The following DHX30 variants were observed in gnomAD, a reference collection of about 807,000 sequenced individuals.
DHX30 encodes the protein ATP-dependent RNA helicase DHX30.
In DHX30, 4 loss-of-function variants were observed where a neutral mutation model predicts 116.9. The ratio of observed to expected loss-of-function variants is 0.03; its 90% CI spans 0.02 to 0.08. DHX30 has a LOEUF of 0.08. Among genes scored for constraint, DHX30 ranks in the 10% least tolerant of loss-of-function variants. DHX30 has a pLI of 1.00. For missense variants in DHX30, 871 were observed against 1,595.1 expected, an observed-to-expected ratio of 0.55 and a Z score of 7.73; for synonymous variants, 697 against 651.7, an observed-to-expected ratio of 1.07 and a Z score of -1.06.
intron 2 of DHX30, among the ~76,000 whole-genome samples, chr3:47,809,044 G>A (rs1417878423): frequency 6.6e-6 from 1 of 151,290 alleles, no homozygotes; most frequent in Non-Finnish European, 1.5e-5. Flanking sequence ...GCCTGCCACC[G>A]TGCCTGGCTA....
chr3:47,816,127 A>G lies in DHX30; in HGVS notation c.29-1895A>G, dbSNP rs1022861915. 9.1e-6 allele frequency: 9 copies of G among 984,194 alleles called. No homozygotes were observed. In the African/African-American group the frequency reaches 1.2e-4, roughly 13 times the overall value. The allele number at this position is 984,194 out of a possible 1,614,324, so 61.0% of individuals were successfully genotyped here. A position where few individuals can be genotyped will look rare whatever the true frequency, so the allele number is the denominator to read the frequency against. On this transcript the variant is annotated intron_variant, in intron 3 of 21. Coordinates refer to ENST00000445061, the MANE Select transcript of DHX30 (RefSeq NM_138615.3). Reference sequence around the variant, plus strand: ...CTACAAGCACGTCTGCTGTAACTCTATGTATGTTTTCTGTAAAATCACATA... The same window carrying G: ...CTACAAGCACGTCTGCTGTAACTCTGTGTATGTTTTCTGTAAAATCACATA...
intron 4 of DHX30, among the ~76,000 whole-genome samples, chr3:47,820,913 T>G (rs1371292017): frequency 6.6e-6 from 1 of 151,688 alleles, no homozygotes. Context: ...TCTCTTTTTT[T>G]TTTTTTGCCT....
At chr3:47,833,600 C>A (rs559760231) in intron 6 of DHX30, among the ~76,000 whole-genome samples, 1 of 150,952 alleles carries the variant, frequency 6.6e-6, no homozygotes, top group African/African-American at 2.4e-5. Flanking sequence ...TGGCTCATGC[C>A]TGTAATCTCA....
chr3:47,806,551 T>G (rs2035534761), intron 2 of DHX30, among the ~76,000 whole-genome samples: 1 of 151,668 alleles, frequency 6.6e-6, no homozygotes, highest in Admixed American at 6.6e-5. Context: ...GTTCAAGCGA[T>G]TCTTCTGTCT....
rs1369397618 is a variant in DHX30 at position 47,849,528 on chromosome 3, C to T, written c.3165C>T (p.Ile1055=). 1.2e-5 allele frequency: 20 copies of T among 1,606,722 alleles called. No homozygotes were observed. Among genetic ancestry groups the T allele is most frequent in the Non-Finnish European group, 1.7e-5 (20 of 1,174,358 alleles). ...CATATAGGACCAAATCAGGCAACAT[C>T]CTGCTGCACAAGTCGACCATTAACA... The part of the protein sequence containing the change: ...SVTYRTKSGN[I]LLHKSTINRE... The change falls in exon 20 of 22, where the codon ATC becomes ATT. Residue 1055 remains isoleucine, a synonymous_variant. Coordinates refer to ENST00000445061, the MANE Select transcript of DHX30 (RefSeq NM_138615.3).
In DHX30 at chr3:47,849,777, C is replaced by T. The variant is rs1465982448; in HGVS notation, c.3331+8C>T. 3 of 1,609,980 alleles carry T rather than the reference C, an allele frequency of 1.9e-6. No homozygotes were observed. The South Asian group carries it at 3.3e-5, about 18-fold the overall frequency. The stretch of plus-strand genomic sequence containing the variant: ...GGGACGTGCACATCCGTGGTGGGTG[C>T]CTGCAGGCCTCCCGCCCACCCCGCT... On this transcript the variant is annotated splice_region_variant and intron_variant, in intron 21 of 21. Coordinates refer to ENST00000445061, the MANE Select transcript of DHX30 (RefSeq NM_138615.3).
Position 47,847,007 on chromosome 3 carries a change from G to T in DHX30, c.1929+6G>T. ...ACCGGCACCGGCACCATGAGGTGAG[G>T]GACACCCCCATCCCACCCAAGGCTC... On this transcript the variant is annotated splice_donor_region_variant and intron_variant, in intron 11 of 21. Transcript: ENST00000445061. The surrounding 1 kb of genome is among the most constrained non-coding windows in gnomAD (Gnocchi z 5.5). 6.2e-7 allele frequency: 1 copy of T among 1,605,356 alleles called. No individual in the cohort carries two copies.
intron 6 of DHX30, chr3:47,831,044 A>G (rs1340680566): frequency 6.6e-6 from 1 of 151,808 alleles, no homozygotes; most frequent in Non-Finnish European, 1.5e-5. Flanking sequence ...CTGGGCCCCC[A>G]TAGTACCCAT....
chr3:47,821,866 T>C (rs1349408212), intron 4 of DHX30, among the ~76,000 whole-genome samples: 1 of 152,228 alleles, frequency 6.6e-6, no homozygotes, highest in African/African-American at 2.4e-5. Context: ...CCCAAAGTGC[T>C]GGGATGACAG....
intron 6 of DHX30, among the ~76,000 whole-genome samples, 180 bp downstream of exon 6, chr3:47,829,314 A>ATATATATATATATAT (rs1177077114): frequency 2.9e-5 from 1 of 34,192 alleles, no homozygotes; most frequent in African/African-American, 1.1e-4. Flanking sequence ...ATATATATAT[A>ATATATATATATATAT]TTTTTTTTTT....
Position 47,850,109 on chromosome 3 carries a change from G to A in DHX30, c.3574G>A (p.Ala1192Thr). The change falls in exon 22 of 22, where the codon GCT becomes ACT. Residue 1192 changes from alanine to threonine, a missense_variant. By Grantham distance (58) the Ala-to-Thr change is moderately conservative. This residue lies in a region of DHX30 where 52 missense variants were observed against 50.1 expected (regional missense o/e 1.04). Coordinates refer to ENST00000445061, the MANE Select transcript of DHX30 (RefSeq NM_138615.3). ...TGGCAGCTTTGATGTGCGCAAGACA[G>A]CTGACGACTGAGCCCTGCTTCTGCT... ...PCGSFDVRKT[A>T]DD 1 of 1,589,608 alleles carries A rather than the reference G, an allele frequency of 6.3e-7. No individual in the cohort carries two copies.
intron 3 of DHX30, among the ~76,000 whole-genome samples, chr3:47,814,124 A>G (rs1001034148): frequency 6.6e-6 from 1 of 151,808 alleles, no homozygotes; most frequent in African/African-American, 2.4e-5. Flanking sequence ...TGGAAAGCCC[A>G]ATAAAAATCA....
chr3:47,843,795 CT>C (rs1208919695), intron 9 of DHX30, among the ~76,000 whole-genome samples: 1 of 152,146 alleles, frequency 6.6e-6, no homozygotes, highest in African/African-American at 2.4e-5. Flanking sequence ...ATCTCCTAGG[CT>C]TAAGCGATCC....
At position 47,816,298 on chromosome 3, in the gene DHX30, C is replaced by T. The variant is rs548672299; in HGVS notation, c.29-1724C>T. 1.1e-4 allele frequency: 104 copies of T among 983,992 alleles called. 1 individual carries two copies. In the South Asian group the frequency reaches 4.7e-3, roughly 45 times the overall value. 61.0% of individuals were successfully genotyped at this position (983,992 alleles called of 1,614,324 possible). On this transcript the variant is annotated intron_variant, in intron 3 of 21. Transcript: ENST00000445061. ...TTGGTGCTTGGGAAGATGCTTTGGA[C>T]TACCTAGACAGGCAGCTCAGGGTGA...
chr3:47,847,543 G>A lies in DHX30; in HGVS notation c.2110+7G>A, dbSNP rs372368543. 15 of 1,593,530 alleles carry A rather than the reference G, an allele frequency of 9.4e-6. No individual in the cohort carries two copies. Among genetic ancestry groups the A allele is most frequent in the Non-Finnish European group, 1.3e-5 (15 of 1,169,490 alleles). ...AAGTACCTCATCCTGCCAGGTGAGA[G>A]CCCCGGCGGAGGGACCAGGGACCTT... On this transcript the variant is annotated splice_region_variant and intron_variant, in intron 13 of 21. Coordinates refer to ENST00000445061, the MANE Select transcript of DHX30 (RefSeq NM_138615.3). This position sits in a 1 kb window ranked among gnomAD's most constrained non-coding sequence, Gnocchi z 5.5.
intron 3 of DHX30, chr3:47,815,901 G>A: frequency 8.1e-6 from 8 of 982,550 alleles, no homozygotes; most frequent in Non-Finnish European, 9.7e-6. Context: ...TGCTGAAAAT[G>A]CTTAATGAGA....
At chr3:47,828,923 G>T in intron 5 of DHX30, 101 bp from the exon 6 acceptor site, 1 of 698,856 alleles carries the variant, frequency 1.4e-6, no homozygotes, top group Non-Finnish European at 2.6e-6. Flanking sequence ...CTGCTGTGAG[G>T]TCTGCTGCTG....
At chr3:47,816,543 A>G (rs1216484412) in intron 3 of DHX30, 1 of 937,834 alleles carries the variant, frequency 1.1e-6, no homozygotes, top group Non-Finnish European at 1.3e-6. Context: ...TTTTTAGTAG[A>G]GACGGGGTTT....
At chr3:47,837,313 C>T (rs572893831) in intron 6 of DHX30, among the ~76,000 whole-genome samples, 1 of 152,286 alleles carries the variant, frequency 6.6e-6, no homozygotes, top group South Asian at 2.1e-4. Context: ...ATGATTTGAT[C>T]CTGTGGCTGC....
Sources: allele counts gnomAD v4.1 joint callset (sites outside exome capture counted in the v4.1 genomes callset), GRCh38; gene constraint gnomAD v4.1.1; regional missense constraint gnomAD v4.1.1; non-coding constraint Gnocchi (gnomAD v3.1); transcripts MANE v1.5; gene names NCBI Gene and HGNC (gene_info 2026-07-23, HGNC 2026-07-21).